Variants in MBD1 observed in about 807,000 individuals in gnomAD.
The protein encoded by MBD1 is methyl-CpG binding domain protein 1.
Under a neutral mutation model 82.6 loss-of-function variants are expected in MBD1, and 25 were observed. The ratio of observed to expected loss-of-function variants is 0.30; its 90% confidence interval spans 0.22 to 0.42. The LOEUF is 0.42. Ranked by LOEUF, MBD1 falls within the 10% of genes least tolerant of loss-of-function variation. The pLI, the probability that MBD1 is intolerant of heterozygous loss-of-function variation, is 1.00. For missense variants in MBD1, 627 were observed against 819.6 expected, an observed-to-expected ratio of 0.76 and a Z score of 2.87; for synonymous variants, 301 against 303.7, an observed-to-expected ratio of 0.99 and a Z score of 0.09.
In MBD1 at chr18:50,274,345, G is replaced by A; in HGVS notation, c.987C>T (p.Tyr329=). 1 of 1,612,750 alleles carries A rather than the reference G, an allele frequency of 6.2e-7. No homozygotes were observed. The highest frequency in any genetic ancestry group is 8.5e-7 in the Non-Finnish European group (1 of 1,179,652). ...ACTTGCGGTTCTGCCGGCGGTTCGT[G>A]TAGGGCTGCTGGGGTGGGGGGAATG... The part of the protein sequence containing the change: ...YCVDEDELQP[Y]TNRRQNRKCG... The change falls in exon 11 of 17, where the codon TAC becomes TAT. Residue 329 remains tyrosine (Y), a synonymous_variant. Coordinates refer to ENST00000269468, the MANE Select transcript of MBD1 (RefSeq NM_015846.4).
At chr18:50,275,396 T>G in intron 8 of MBD1, 151 bp from the exon 9 acceptor site, 1 of 1,607,344 alleles carries the variant, frequency 6.2e-7, no homozygotes. Context: ...GCCAGGGGAG[T>G]GCGTCGCTGA....
intron 1 of MBD1, among the ~76,000 whole-genome samples, chr18:50,280,694 C>T (rs1568276355): frequency 6.6e-6 from 1 of 151,890 alleles, no homozygotes; most frequent in Non-Finnish European, 1.5e-5. Flanking sequence ...TTCCTCAGCC[C>T]AAGACCTCCC....
intron 1 of MBD1, 190 bp downstream of exon 1, chr18:50,281,173 T>C: frequency 6.5e-7 from 1 of 1,533,850 alleles, no homozygotes; most frequent in Non-Finnish European, 8.7e-7. Context: ...CCTGTCAGAG[T>C]TCAGAGCTGC....
intron 2 of MBD1, among the ~76,000 whole-genome samples, chr18:50,278,947 CTTGT>C (rs1286813101): frequency 1.3e-5 from 2 of 152,134 alleles, no homozygotes; most frequent in Admixed American, 6.5e-5. Context: ...TGCCAATATT[CTTGT>C]TTAACAAGCC....
At chr18:50,267,835 C>G (rs1245573134), downstream of MBD1, among the ~76,000 whole-genome samples, 1 of 152,192 alleles carries the variant, frequency 6.6e-6, no homozygotes, top group African/African-American at 2.4e-5. Flanking sequence ...ATTAGCATTC[C>G]TTAATCATTT....
downstream of MBD1, among the ~76,000 whole-genome samples, chr18:50,268,270 G>A (rs996510045): frequency 1.1e-4 from 16 of 152,248 alleles, no homozygotes; most frequent in African/African-American, 3.9e-4. Flanking sequence ...GCCCGTTGGG[G>A]ATTCCCAAGG....
At chr18:50,276,453 A>C (rs771622137) in intron 5 of MBD1, 35 bp from the exon 6 acceptor site, 1 of 1,607,064 alleles carries the variant, frequency 6.2e-7, no homozygotes, top group Admixed American at 1.7e-5. Context: ...AAAAGTGGAA[A>C]GGAAGCAACA....
chr18:50,275,443 T>C (rs990656997), intron 8 of MBD1, 157 bp downstream of exon 8: 2 of 1,599,976 alleles, frequency 1.3e-6, no homozygotes, highest in Admixed American at 1.7e-5. Context: ...GTGAGCAAGG[T>C]GCTGGCAGAC....
chr18:50,272,095 A>G (rs2035819197), intron 15 of MBD1, among the ~76,000 whole-genome samples: 1 of 152,198 alleles, frequency 6.6e-6, no homozygotes. Flanking sequence ...GAAAGGCTCA[A>G]GAGATCCAGC....
At chr18:50,275,500 A>G (rs1002806439) in intron 8 of MBD1, 100 bp downstream of exon 8, 1 of 1,604,492 alleles carries the variant, frequency 6.2e-7, no homozygotes, top group Non-Finnish European at 8.5e-7. Context: ...GGTTAGGCAG[A>G]AAAGAAAGAC....
intron 1 of MBD1, chr18:50,281,117 C>A: frequency 6.6e-7 from 1 of 1,520,126 alleles, no homozygotes; most frequent in Non-Finnish European, 8.8e-7. Flanking sequence ...GCGTTCTGAT[C>A]TCCACCATTC....
At chr18:50,277,229 G>A in intron 2 of MBD1, 25 bp from the exon 3 acceptor site, 1 of 1,558,344 alleles carries the variant, frequency 6.4e-7, no homozygotes, top group Non-Finnish European at 8.8e-7. Flanking sequence ...TGATGGGTTA[G>A]CACCCAGGTG....
intron 10 of MBD1, among the ~76,000 whole-genome samples, 188 bp from the exon 11 acceptor site, chr18:50,274,541 A>C (rs1392557492): frequency 6.6e-6 from 1 of 152,106 alleles, no homozygotes; most frequent in East Asian, 1.9e-4. Context: ...GGCCACTATC[A>C]CTGTGCCAGC....
Position 50,277,164 on chromosome 18 carries a change from G to A in MBD1, c.151C>T (p.Arg51Ter), listed in dbSNP as rs1451633877. Residue 51 changes from arginine (R) to a stop codon, truncating the protein, a stop_gained, in exon 3 of 17, where the codon CGA becomes TGA. Transcript: ENST00000269468. LOFTEE classifies it high-confidence loss of function. ...AGATCACACGCAGGGCCCAGGTATC[G>A]AGTCAGCTCAACTTTGCTTCGGATC... is the stretch of plus-strand genomic sequence containing the variant. ...DRIRSKVELT[R>*]YLGPACDLTL... The A allele has an allele frequency of 1.9e-6, 3 of 1,614,144 alleles. No individual in the cohort carries two copies. Among genetic ancestry groups the A allele is most frequent in the Non-Finnish European group, 1.7e-6 (2 of 1,180,014 alleles).
At chr18:50,272,371 A>G in intron 15 of MBD1, 1 of 433,024 alleles carries the variant, frequency 2.3e-6, no homozygotes, top group South Asian at 2.2e-5. Context: ...GCTGACCCCT[A>G]TAGAAATTCC....
chr18:50,281,025 C>G, intron 1 of MBD1: 1 of 756,930 alleles, frequency 1.3e-6, no homozygotes, highest in Non-Finnish European at 2.1e-6. Flanking sequence ...TGTCATCAGC[C>G]TGAGGGCCCC....
intron 13 of MBD1, 27 bp from the exon 14 acceptor site, chr18:50,272,982 A>C: frequency 6.2e-7 from 1 of 1,613,914 alleles, no homozygotes; most frequent in Non-Finnish European, 8.5e-7. Context: ...ACAGGCAACC[A>C]TTAGAAGGGC....
At chr18:50,280,554 T>C (rs1359523613) in intron 1 of MBD1, among the ~76,000 whole-genome samples, 1 of 151,990 alleles carries the variant, frequency 6.6e-6, no homozygotes, top group Non-Finnish European at 1.5e-5. Flanking sequence ...CTCTGCCTGA[T>C]GTCCTCTTAT....
intron 11 of MBD1, 33 bp from the exon 12 acceptor site, chr18:50,273,896 G>C (rs1271476695): frequency 6.2e-7 from 1 of 1,607,126 alleles, no homozygotes; most frequent in Non-Finnish European, 8.5e-7. Context: ...ATGGCTACCT[G>C]GTGTCCTGAC....
Sources: allele counts gnomAD v4.1 joint callset (sites outside exome capture counted in the v4.1 genomes callset), GRCh38; gene constraint gnomAD v4.1.1; transcripts MANE v1.5; gene names NCBI Gene and HGNC (gene_info 2026-07-23, HGNC 2026-07-21).